Variants in CPT1B observed in about 807,000 individuals in gnomAD.
CPT1B encodes carnitine O-palmitoyltransferase 1, muscle isoform.
A neutral mutation model predicts 92.7 loss-of-function variants in CPT1B; 57 were observed. That is an observed-to-expected ratio of 0.62 (90% confidence interval 0.50 to 0.77). The LOEUF is 0.77. Ranked by LOEUF, CPT1B falls within the 30% of genes least tolerant of loss-of-function variation. CPT1B has a pLI of 0.00. For synonymous variants in CPT1B, 398 were observed against 383.5 expected (o/e 1.04, Z -0.44); for missense variants, 983 against 1,017.4 (o/e 0.97, Z 0.46).
rs1226919127 is a variant in CPT1B at position 50,577,047 on chromosome 22, G to A, written c.282-13C>T. 5.6e-6 allele frequency: 9 copies of A among 1,613,070 alleles called. No homozygotes were observed. Among genetic ancestry groups the A allele is most frequent in the Non-Finnish European group, 7.6e-6 (9 of 1,179,496 alleles). On this transcript the variant is annotated splice_polypyrimidine_tract_variant and intron_variant, in intron 3 of 19. Transcript: ENST00000312108. ...GTAGGGGCCACACCTATTGGAGAGG[G>A]GCAAGGGCTGCAGGGGGTCCTCTTG...
intron 17 of CPT1B, 132 bp from the exon 18 acceptor site, chr22:50,569,800 T>G: frequency 1.3e-6 from 1 of 746,404 alleles, no homozygotes; most frequent in Non-Finnish European, 2.3e-6. Flanking sequence ...GCATTTTTCC[T>G]GAGGACCACC....
In CPT1B at chr22:50,573,711, C is replaced by A. The variant is rs567674908; in HGVS notation, c.975G>T (p.Val325=). 3 of 1,611,908 alleles carry A rather than the reference C, an allele frequency of 1.9e-6. No individual in the cohort carries two copies. The Admixed American group carries it at 5.0e-5, about 27-fold the overall frequency. Residue 325 remains valine, a synonymous_variant, in exon 10 of 20, where the codon GTG becomes GTT. Coordinates refer to ENST00000312108, the MANE Select transcript of CPT1B (RefSeq NM_152246.3). The surrounding 1 kb of genome is among the most constrained non-coding windows in gnomAD (Gnocchi z 5.0). ...GCCGGCTGTCTGAGAGGTGCTGTAG[C>A]ACATCTGTGATACAGGCCACGGGCA... is the stretch of plus-strand genomic sequence containing the variant. ...TTRIPGKDTD[V]LQHLSDSRHV...
Sources: allele counts gnomAD v4.1 joint callset, GRCh38; gene constraint gnomAD v4.1.1; non-coding constraint Gnocchi (gnomAD v3.1); transcripts MANE v1.5; gene names NCBI Gene and HGNC (gene_info 2026-07-23, HGNC 2026-07-21).